CAMSAP2: variants seen among roughly 807,000 people sequenced by gnomAD.
The protein encoded by CAMSAP2 is calmodulin regulated spectrin associated protein family member 2.
A neutral mutation model predicts 146.1 loss-of-function variants in CAMSAP2; 26 were observed. The ratio of observed to expected loss-of-function variants is 0.18; its 90% CI spans 0.13 to 0.25. The LOEUF (loss-of-function observed/expected upper bound fraction) is 0.25. Among genes scored for constraint, CAMSAP2 ranks in the 10% least tolerant of loss-of-function variants. The pLI, the probability that CAMSAP2 is intolerant of heterozygous loss-of-function variation, is 1.00. For missense variants in CAMSAP2, 1,381 were observed against 1,759.3 expected, an observed-to-expected ratio of 0.78 and a Z score of 3.85; for synonymous variants, 499 against 596.6, an observed-to-expected ratio of 0.84 and a Z score of 2.38.
chr1:200,847,699 A>C lies in CAMSAP2; in HGVS notation c.1252A>C (p.Lys418Gln), dbSNP rs201052886. 1 of 1,610,818 alleles carries C rather than the reference A, an allele frequency of 6.2e-7. No individual in the cohort carries two copies. The highest frequency in any genetic ancestry group is 1.7e-5 in the Admixed American group (1 of 59,854). Residue 418 changes from lysine (K) to glutamine (Q), a missense_variant, in exon 10 of 17, where the codon AAA becomes CAA. Around this residue, in one of 4 missense-constraint regions of CAMSAP2, gnomAD observed 447 missense variants for 462.2 expected, o/e 0.97. Transcript: ENST00000358823. Reference sequence around the variant, plus strand: ...TGATGGCTTCATAGGGACATGGCCCAAAGAGAAAAGGTAAACAAAGAGAAT... The same window carrying C: ...TGATGGCTTCATAGGGACATGGCCCCAAGAGAAAAGGTAAACAAAGAGAAT... ...YVDGFIGTWPKEKRSSVHGVS... is the reference protein window; with the variant it reads ...YVDGFIGTWPQEKRSSVHGVS...
intron 3 of CAMSAP2, among the ~76,000 whole-genome samples, chr1:200,812,098 C>T (rs1666348305): frequency 6.6e-6 from 1 of 152,146 alleles, no homozygotes. Flanking sequence ...TCTTTCATAG[C>T]ACTTTTCAGA....
intron 1 of CAMSAP2, among the ~76,000 whole-genome samples, chr1:200,753,377 T>C (rs1664564046): frequency 6.6e-6 from 1 of 152,054 alleles, no homozygotes; most frequent in Non-Finnish European, 1.5e-5. Context: ...AGGCATTGTC[T>C]TAGCTCTTGC....
At chr1:200,794,233 A>G (rs1218938326) in intron 2 of CAMSAP2, among the ~76,000 whole-genome samples, 1 of 152,232 alleles carries the variant, frequency 6.6e-6, no homozygotes, top group Admixed American at 6.6e-5. Context: ...ACATTTTGCC[A>G]TACAGTTGAC....
intron 2 of CAMSAP2, among the ~76,000 whole-genome samples, chr1:200,774,940 G>T (rs552619570): frequency 6.6e-6 from 1 of 152,312 alleles, no homozygotes; most frequent in South Asian, 2.1e-4. Flanking sequence ...GTTACGGGAT[G>T]TAGTAATGAG....
chr1:200,775,800 G>C (rs1665261757), intron 2 of CAMSAP2, among the ~76,000 whole-genome samples: 1 of 152,050 alleles, frequency 6.6e-6, no homozygotes, highest in Admixed American at 6.5e-5. Flanking sequence ...CAAAGTGCTG[G>C]GATTATGGGC....
At chr1:200,780,306 G>A (rs764589963) in intron 2 of CAMSAP2, among the ~76,000 whole-genome samples, 21 of 152,162 alleles carry the variant, frequency 1.4e-4, no homozygotes, top group Non-Finnish European at 2.6e-4. Context: ...AAAAGCTGAT[G>A]CTGGTAAGGT....
At chr1:200,844,616 A>G (rs1667413875) in intron 7 of CAMSAP2, among the ~76,000 whole-genome samples, 166 bp from the exon 8 acceptor site, 1 of 152,220 alleles carries the variant, frequency 6.6e-6, no homozygotes. Context: ...ATCTTAAAGA[A>G]ACTTGACCCT....
chr1:200,850,359 C>A, intron 11 of CAMSAP2, 125 bp downstream of exon 11: 1 of 768,052 alleles, frequency 1.3e-6, no homozygotes, highest in South Asian at 2.2e-5. Flanking sequence ...ACAAGTTCAT[C>A]CCCATTAACT....
chr1:200,826,883 A>G (rs529120428), intron 4 of CAMSAP2, among the ~76,000 whole-genome samples: 3 of 152,238 alleles, frequency 2.0e-5, no homozygotes, highest in African/African-American at 7.2e-5. Flanking sequence ...AAAAAGAAAA[A>G]AAAAATCAAA....
At chr1:200,775,642 G>T (rs1283166024) in intron 2 of CAMSAP2, among the ~76,000 whole-genome samples, 1 of 152,084 alleles carries the variant, frequency 6.6e-6, no homozygotes, top group East Asian at 1.9e-4. Context: ...CAGTTTTCCT[G>T]CCTCAGTCTC....
Position 200,850,148 on chromosome 1 carries a change from G to A in CAMSAP2, c.3379G>A (p.Asp1127Asn), listed in dbSNP as rs1667579021. The A allele has an allele frequency of 1.2e-6, 2 of 1,610,744 alleles. No individual in the cohort carries two copies. Among genetic ancestry groups the A allele is most frequent in the Non-Finnish European group, 8.5e-7 (1 of 1,179,296 alleles). ...LSDLKPPEKA[D>N]VPVEKYDGES... Reference sequence around the variant, plus strand: ...AGATTTGAAACCCCCTGAAAAGGCTGATGTACCTGTTGAAAAATATGATGG... The same window carrying A: ...AGATTTGAAACCCCCTGAAAAGGCTAATGTACCTGTTGAAAAATATGATGG... The change falls in exon 11 of 17, where the codon GAT becomes AAT. Residue 1127 changes from aspartate to asparagine, a missense_variant. Coordinates refer to ENST00000358823, the MANE Select transcript of CAMSAP2 (RefSeq NM_203459.4).
At chr1:200,750,065 A>G (rs1217239301) in intron 1 of CAMSAP2, among the ~76,000 whole-genome samples, 2 of 152,186 alleles carry the variant, frequency 1.3e-5, no homozygotes, top group East Asian at 3.8e-4. Flanking sequence ...GACATGACCA[A>G]ATTTGCTTAT....
At chr1:200,829,611 G>A (rs1191541479) in intron 4 of CAMSAP2, among the ~76,000 whole-genome samples, 4 of 151,838 alleles carry the variant, frequency 2.6e-5, no homozygotes, top group Admixed American at 1.3e-4. Context: ...TTACATCCTC[G>A]ATAATAAAAC....
At position 200,788,362 on chromosome 1, in the gene CAMSAP2, T is replaced by G. The variant is rs527729686; in HGVS notation, c.400-19014T>G. Among the ~76,000 whole-genome samples the G allele has an allele frequency of 9.8e-5, 15 of 152,324 alleles. 1 individual carries two copies. The South Asian group carries it at 2.9e-3, about 29-fold the overall frequency. On this transcript the variant is annotated intron_variant, in intron 2 of 16. Transcript: ENST00000358823. ...AATCATCTGTGTTTAGGTTTTTATG[T>G]GGACATAAGTTTTCAGCTCCTATAG...
intron 1 of CAMSAP2, among the ~76,000 whole-genome samples, chr1:200,746,688 G>C (rs562239299): frequency 6.6e-6 from 1 of 150,382 alleles, no homozygotes; most frequent in Non-Finnish European, 1.5e-5. Context: ...GCGTGATCTC[G>C]GCTCACTGCA....
At chr1:200,761,198 T>C in intron 2 of CAMSAP2, 100 bp downstream of exon 2, 1 of 1,157,672 alleles carries the variant, frequency 8.6e-7, no homozygotes, top group Non-Finnish European at 1.2e-6. Context: ...TGAAATTGGA[T>C]TGTATTTTTG....
intron 6 of CAMSAP2, 61 bp from the exon 7 acceptor site, chr1:200,841,933 A>G: frequency 8.5e-7 from 1 of 1,173,130 alleles, no homozygotes; most frequent in Non-Finnish European, 1.3e-6. Context: ...TTAAAACAAT[A>G]AAATTCTGTT....
chr1:200,776,379 G>C (rs969141260), intron 2 of CAMSAP2, among the ~76,000 whole-genome samples: 4 of 152,196 alleles, frequency 2.6e-5, no homozygotes, highest in African/African-American at 4.8e-5. Context: ...GGCTGTTTTT[G>C]TCCTGAGCCA....
At chr1:200,769,908 CT>C (rs1196197222) in intron 2 of CAMSAP2, among the ~76,000 whole-genome samples, 2 of 152,184 alleles carry the variant, frequency 1.3e-5, no homozygotes, top group African/African-American at 2.4e-5. Flanking sequence ...AGATTCCTGC[CT>C]TGGGGCAGGT....
Sources: gnomAD v4.1 joint callset for allele counts (sites outside exome capture counted in the v4.1 genomes callset) on GRCh38, gnomAD v4.1.1 for gene constraint, gnomAD v4.1.1 regional missense constraint, MANE v1.5 for transcripts, NCBI Gene and HGNC (gene_info 2026-07-23, HGNC 2026-07-21) for gene names.